The following NCOA2 variants were observed in gnomAD, a reference collection of about 807,000 sequenced individuals.
NCOA2 encodes nuclear receptor coactivator 2, also known as class E basic helix-loop-helix protein 75.
NCOA2 carries 21 observed loss-of-function variants against 145.1 expected under a neutral mutation model. The observed-to-expected ratio is 0.14, with a 90% CI of 0.10 to 0.21. NCOA2 has a LOEUF of 0.21. NCOA2 is among the 10% of genes least tolerant of loss of function. The probability of loss-of-function intolerance (pLI) is 1.00; values close to 1 mark genes in which losing one functional copy is unlikely to be tolerated. For synonymous variants in NCOA2, 619 were observed against 637.5 expected (o/e 0.97, Z 0.44); for missense variants, 1,472 against 1,837.6 (o/e 0.80, Z 3.64).
intron 9 of NCOA2, 54 bp from the exon 10 acceptor site, chr8:70,159,706 C>A: frequency 6.6e-7 from 1 of 1,519,612 alleles, no homozygotes; most frequent in South Asian, 1.2e-5. Context: ...ATTGAGGGGT[C>A]GGGGAGGACA....
intron 1 of NCOA2, among the ~76,000 whole-genome samples, chr8:70,360,457 T>C (rs1210354476): frequency 2.6e-5 from 4 of 152,130 alleles, no homozygotes; most frequent in Admixed American, 1.3e-4. Context: ...ACAGAACCCT[T>C]ATATTTAAAG....
At chr8:70,299,428 G>A (rs930682349) in intron 1 of NCOA2, among the ~76,000 whole-genome samples, 3 of 152,088 alleles carry the variant, frequency 2.0e-5, no homozygotes. Flanking sequence ...TATATAAGGA[G>A]CTAAATTATT....
chr8:70,455,997 C>G, the NCOA2 span, among the ~76,000 whole-genome samples: 3 of 151,578 alleles, frequency 2.0e-5, no homozygotes, highest in South Asian at 2.1e-4. Context: ...AATCCCAAAG[C>G]ACTTTGCATG....
At chr8:70,237,386 C>T (rs1223700207) in intron 2 of NCOA2, among the ~76,000 whole-genome samples, 1 of 151,410 alleles carries the variant, frequency 6.6e-6, no homozygotes, top group Non-Finnish European at 1.5e-5. Flanking sequence ...TCTTACTGTG[C>T]ATGTCTCATC....
intron 1 of NCOA2, among the ~76,000 whole-genome samples, chr8:70,299,955 T>C (rs991503895): frequency 6.6e-6 from 1 of 152,208 alleles, no homozygotes; most frequent in Admixed American, 6.5e-5. Context: ...TAAAGGGGAA[T>C]GAATTATCAA....
chr8:70,416,202 T>TG, the NCOA2 span, among the ~76,000 whole-genome samples: 6 of 151,164 alleles, frequency 4.0e-5, no homozygotes, highest in East Asian at 3.9e-4. Flanking sequence ...TTTGTTTTTT[T>TG]TTTTTTTCTC....
intron 1 of NCOA2, among the ~76,000 whole-genome samples, chr8:70,313,482 G>C (rs564603604): frequency 6.6e-6 from 1 of 152,252 alleles, no homozygotes; most frequent in African/African-American, 2.4e-5. Context: ...AAAGAGGTAT[G>C]ACTTGTCACT....
intron 14 of NCOA2, among the ~76,000 whole-genome samples, chr8:70,140,806 A>G (rs991586185): frequency 1.3e-5 from 2 of 151,952 alleles, no homozygotes; most frequent in African/African-American, 4.8e-5. Context: ...CATGTTGGCC[A>G]GGCTGGTCTC....
At chr8:70,302,531 T>TC (rs1827588713) in intron 1 of NCOA2, among the ~76,000 whole-genome samples, 1 of 152,146 alleles carries the variant, frequency 6.6e-6, no homozygotes, top group Admixed American at 6.6e-5. Context: ...ATGGCAAAAC[T>TC]CCCTTAAAAT....
chr8:70,166,835 G>T, intron 6 of NCOA2, 81 bp from the exon 7 acceptor site: 1 of 1,255,294 alleles, frequency 8.0e-7, no homozygotes, highest in Non-Finnish European at 1.1e-6. Context: ...AATGATGTAG[G>T]AAAAATATGA....
intron 1 of NCOA2, among the ~76,000 whole-genome samples, chr8:70,298,803 T>A (rs1478281380): frequency 6.6e-6 from 1 of 152,210 alleles, no homozygotes; most frequent in African/African-American, 2.4e-5. Flanking sequence ...GGTTCACACC[T>A]GTAATCCCAG....
Position 70,109,805 on chromosome 8 carries a change from T to C in NCOA2, c.*3827A>G, listed in dbSNP as rs1050087268. ...TGTAAAACCCGAAGGCATTAAAATT[T>C]ATTAAATGATGCAATAACAACAGAA... On this transcript the variant is annotated 3_prime_UTR_variant, in exon 23 of 23. Coordinates refer to ENST00000452400, the MANE Select transcript of NCOA2 (RefSeq NM_006540.4). 5.6e-6 allele frequency: 1 copy of C among 177,486 alleles called. No individual in the cohort carries two copies. The highest frequency in any genetic ancestry group is 2.4e-5 in the African/African-American group (1 of 42,320). The allele number at this position is 177,486 out of a possible 1,614,324, so 11.0% of individuals were successfully genotyped here. A position where few individuals can be genotyped will look rare whatever the true frequency, so the allele number is the denominator to read the frequency against.
chr8:70,145,209 G>C (rs1196827384), intron 12 of NCOA2, among the ~76,000 whole-genome samples: 1 of 152,194 alleles, frequency 6.6e-6, no homozygotes, highest in African/African-American at 2.4e-5. Flanking sequence ...CCAAGCTAGA[G>C]TGCAATGGCA....
At chr8:70,232,932 G>A (rs1459615753) in intron 2 of NCOA2, among the ~76,000 whole-genome samples, 1 of 147,768 alleles carries the variant, frequency 6.8e-6, no homozygotes, top group Admixed American at 6.7e-5. Context: ...ATTCTAGAAA[G>A]ATAATACATG....
At chr8:70,432,619 C>A in the NCOA2 span, among the ~76,000 whole-genome samples, 1 of 152,084 alleles carries the variant, frequency 6.6e-6, no homozygotes, top group Non-Finnish European at 1.5e-5. Context: ...GCTAGGATTG[C>A]ACCACTGCAC....
intron 2 of NCOA2, among the ~76,000 whole-genome samples, chr8:70,270,089 G>T (rs1824926834): frequency 6.6e-6 from 1 of 152,066 alleles, no homozygotes; most frequent in East Asian, 1.9e-4. Flanking sequence ...GGCTGCGGTG[G>T]GAGAATCACT....
intron 1 of NCOA2, among the ~76,000 whole-genome samples, chr8:70,402,947 C>A (rs867331105): frequency 1.4e-5 from 2 of 143,704 alleles, no homozygotes; most frequent in Non-Finnish European, 3.1e-5. Flanking sequence ...CGCCGCAGCT[C>A]CTTCCCGTCC....
chr8:70,302,090 G>C (rs1434522018), intron 1 of NCOA2, among the ~76,000 whole-genome samples: 5 of 151,852 alleles, frequency 3.3e-5, no homozygotes, highest in Admixed American at 6.6e-5. Context: ...ACCCCAAGAA[G>C]AAAGTCATAC....
At chr8:70,422,537 A>G in the NCOA2 span, among the ~76,000 whole-genome samples, 1 of 151,910 alleles carries the variant, frequency 6.6e-6, no homozygotes, top group Admixed American at 6.5e-5. Context: ...CAGCCTCCCA[A>G]GTAGCTAGGA....
Sources: gnomAD v4.1 joint callset for allele counts (sites outside exome capture counted in the v4.1 genomes callset) on GRCh38, gnomAD v4.1.1 for gene constraint, MANE v1.5 for transcripts, NCBI Gene and HGNC (gene_info 2026-07-23, HGNC 2026-07-21) for gene names.